Variants in AKAP13 observed in about 807,000 individuals in gnomAD.
AKAP13 encodes A-kinase anchoring protein 13.
In AKAP13, 80 loss-of-function variants were observed where a neutral mutation model predicts 264.5. The observed-to-expected ratio is 0.30, with a 90% CI of 0.25 to 0.36. The LOEUF is 0.36. Among genes scored for constraint, AKAP13 ranks in the 10% least tolerant of loss-of-function variants. The pLI is 1.00. For missense variants in AKAP13, 3,712 were observed against 3,435.2 expected (o/e 1.08, Z -2.01); for synonymous variants, 1,380 against 1,250.2 (o/e 1.10, Z -2.19).
intron 19 of AKAP13, among the ~76,000 whole-genome samples, chr15:85,711,874 C>T (rs2086649681): frequency 6.6e-6 from 1 of 152,106 alleles, no homozygotes; most frequent in African/African-American, 2.4e-5. Context: ...GCTTTGTCAC[C>T]CAGGCTGGAG....
chr15:85,405,040 A>G (rs555776646), intron 1 of AKAP13, among the ~76,000 whole-genome samples: 49 of 151,868 alleles, frequency 3.2e-4, no homozygotes, highest in African/African-American at 1.2e-3. Context: ...TTTCCTTACC[A>G]TTGTTTAAAG....
chr15:85,486,998 C>T (rs1399120106), intron 2 of AKAP13, among the ~76,000 whole-genome samples: 1 of 152,054 alleles, frequency 6.6e-6, no homozygotes, highest in African/African-American at 2.4e-5. Context: ...TCCCAAAGTG[C>T]TGGGATTACA....
In AKAP13 at chr15:85,656,312, C is replaced by G. The variant is rs556980161; in HGVS notation, c.4745+525C>G. Among the ~76,000 whole-genome samples, 6 of 152,278 alleles carry G rather than the reference C, an allele frequency of 3.9e-5. No homozygotes were observed. In the South Asian group the frequency reaches 1.2e-3, roughly 32 times the overall value. ...GTTTAACCCTCAAGAGGATATAAGA[C>G]TCATTACATTCATTTTACATTCATT... On this transcript the variant is annotated intron_variant, in intron 11 of 36. Transcript: ENST00000394518.
chr15:85,471,870 C>T (rs2074973386), intron 1 of AKAP13, among the ~76,000 whole-genome samples: 1 of 152,114 alleles, frequency 6.6e-6, no homozygotes, highest in Non-Finnish European at 1.5e-5. Flanking sequence ...TTTGAATCAG[C>T]TTGCCTTATG....
chr15:85,736,351 A>C, intron 33 of AKAP13, among the ~76,000 whole-genome samples: 1 of 151,960 alleles, frequency 6.6e-6, no homozygotes, highest in Non-Finnish European at 1.5e-5. Flanking sequence ...CCAGTTAGAG[A>C]ATTGCCTGCT....
chr15:85,415,882 A>T (rs1267537086), intron 1 of AKAP13, among the ~76,000 whole-genome samples: 1 of 152,188 alleles, frequency 6.6e-6, no homozygotes, highest in East Asian at 1.9e-4. Context: ...ATTATCTTTT[A>T]AAAAATAATG....
At chr15:85,702,490 T>C (rs1567203509) in intron 17 of AKAP13, 1 of 152,114 alleles carries the variant, frequency 6.6e-6, no homozygotes, top group Non-Finnish European at 1.5e-5. Flanking sequence ...TCCAGGATCT[T>C]CCCAGGAGTC....
At chr15:85,467,385 A>G (rs1336358689) in intron 1 of AKAP13, among the ~76,000 whole-genome samples, 1 of 151,812 alleles carries the variant, frequency 6.6e-6, no homozygotes. Context: ...GCATCCTCAT[A>G]TTACCTTGTG....
rs768041771 is a variant in AKAP13 at position 85,678,893 on chromosome 15, AAATC to A, written c.5102-3262_5102-3259del. Among the ~76,000 whole-genome samples, 29 of 152,096 alleles carry A rather than the reference AAATC, an allele frequency of 1.9e-4. No individual in the cohort carries two copies. The East Asian group carries it at 5.0e-3, about 26-fold the overall frequency. ...TCTCAAAAACAAAATTAAAAAAAAA[AAATC>A]AAAGTATTTGTAATATACCGGGAAG... On this transcript the variant is annotated intron_variant, in intron 14 of 36. Transcript: ENST00000394518.
chr15:85,663,783 A>G (rs937338800), intron 12 of AKAP13, among the ~76,000 whole-genome samples: 2 of 152,236 alleles, frequency 1.3e-5, no homozygotes, highest in Non-Finnish European at 2.9e-5. Flanking sequence ...CTTACTGAAA[A>G]TGCTTTTCAT....
At chr15:85,429,788 A>G (rs1171207171) in intron 1 of AKAP13, among the ~76,000 whole-genome samples, 1 of 152,220 alleles carries the variant, frequency 6.6e-6, no homozygotes, top group Non-Finnish European at 1.5e-5. Context: ...TGGCGCAGGA[A>G]TCTGTGATGC....
chr15:85,530,977 T>G (rs1017677529), intron 3 of AKAP13, among the ~76,000 whole-genome samples: 2 of 152,096 alleles, frequency 1.3e-5, no homozygotes, highest in Admixed American at 6.5e-5. Context: ...CAGGTTCAAG[T>G]GATTCTCCTG....
chr15:85,651,631 A>G (rs1314717486), intron 10 of AKAP13: 1 of 152,224 alleles, frequency 6.6e-6, no homozygotes, highest in African/African-American at 2.4e-5. Flanking sequence ...GTGAGCACCC[A>G]TCAGTGACTT....
intron 8 of AKAP13, among the ~76,000 whole-genome samples, chr15:85,616,553 A>G (rs1181727606): frequency 6.6e-6 from 1 of 152,200 alleles, no homozygotes; most frequent in Non-Finnish European, 1.5e-5. Context: ...AAGACAATTA[A>G]TACTGTAAGT....
At chr15:85,573,774 A>G (rs2078907974) in intron 5 of AKAP13, among the ~76,000 whole-genome samples, 1 of 145,912 alleles carries the variant, frequency 6.9e-6, no homozygotes, top group Admixed American at 6.7e-5. Flanking sequence ...GGATTTTCTG[A>G]TACAAGTAGA....
At chr15:85,723,724 T>C (rs1378705169) in intron 26 of AKAP13, among the ~76,000 whole-genome samples, 2 of 152,210 alleles carry the variant, frequency 1.3e-5, no homozygotes, top group African/African-American at 2.4e-5. Flanking sequence ...TCACAGAATC[T>C]GTGAGTTCAA....
intron 8 of AKAP13, among the ~76,000 whole-genome samples, chr15:85,632,771 G>A (rs1425908516): frequency 6.6e-6 from 1 of 152,180 alleles, no homozygotes; most frequent in Non-Finnish European, 1.5e-5. Context: ...GAGAGTCTTA[G>A]TTGCTTGCAT....
intron 5 of AKAP13, among the ~76,000 whole-genome samples, chr15:85,556,789 TC>T (rs1431825483): frequency 6.6e-6 from 1 of 152,254 alleles, no homozygotes; most frequent in African/African-American, 2.4e-5. Context: ...GCTGGCTCTT[TC>T]ATACCACTCA....
chr15:85,482,406 A>G (rs1662246407), intron 1 of AKAP13, among the ~76,000 whole-genome samples: 1 of 152,174 alleles, frequency 6.6e-6, no homozygotes, highest in Admixed American at 6.5e-5. Context: ...AATAATATCT[A>G]TGAAGGTAGG....
Sources: gnomAD v4.1 joint callset for allele counts (sites outside exome capture counted in the v4.1 genomes callset) on GRCh38, gnomAD v4.1.1 for gene constraint, MANE v1.5 for transcripts, NCBI Gene and HGNC (gene_info 2026-07-23, HGNC 2026-07-21) for gene names.